Variants in TNRC6A observed in about 807,000 individuals in gnomAD.
TNRC6A encodes the protein trinucleotide repeat containing adaptor 6A.
Under a neutral mutation model 221.2 loss-of-function variants are expected in TNRC6A, and 44 were observed. That is an observed-to-expected ratio of 0.20 (90% CI 0.16 to 0.26). The LOEUF (loss-of-function observed/expected upper bound fraction) is 0.26, where lower values mean the gene tolerates loss of function less well. TNRC6A is among the 10% of genes least tolerant of loss of function. TNRC6A has a pLI of 1.00. For synonymous variants in TNRC6A, 847 were observed against 838.5 expected (o/e 1.01, Z -0.18); for missense variants, 2,199 against 2,404.4 (o/e 0.91, Z 1.79).
chr16:24,705,113 T>C (rs997640794), intron 2 of TNRC6A, among the ~76,000 whole-genome samples: 1 of 152,172 alleles, frequency 6.6e-6, no homozygotes, highest in Non-Finnish European at 1.5e-5. Flanking sequence ...CAAAACACCT[T>C]ATTTATATTT....
At chr16:24,740,466 C>CT in intron 2 of TNRC6A, among the ~76,000 whole-genome samples, 1 of 152,066 alleles carries the variant, frequency 6.6e-6, no homozygotes, top group East Asian at 1.9e-4. Flanking sequence ...TTATTTAGGT[C>CT]TTTAATTGTT....
chr16:24,697,292 T>A (rs1450326910), intron 2 of TNRC6A, among the ~76,000 whole-genome samples: 1 of 152,204 alleles, frequency 6.6e-6, no homozygotes, highest in African/African-American at 2.4e-5. Context: ...TATCTTTCTG[T>A]CTAATCCTCT....
intron 2 of TNRC6A, among the ~76,000 whole-genome samples, chr16:24,704,835 C>A (rs1254072242): frequency 6.6e-6 from 1 of 151,668 alleles, no homozygotes; most frequent in Non-Finnish European, 1.5e-5. Context: ...TTATTTAAAA[C>A]AGTAATAACA....
intron 20 of TNRC6A, among the ~76,000 whole-genome samples, chr16:24,818,108 G>T (rs1287954503): frequency 1.3e-5 from 2 of 152,202 alleles, no homozygotes; most frequent in African/African-American, 4.8e-5. Context: ...TTTGAAAATG[G>T]AAAGCTACAC....
chr16:24,654,010 T>A (rs987087240), intron 2 of TNRC6A, among the ~76,000 whole-genome samples: 1 of 152,102 alleles, frequency 6.6e-6, no homozygotes, highest in Non-Finnish European at 1.5e-5. Context: ...GATCAAGTGA[T>A]CCTTTCACCT....
At chr16:24,647,159 G>A (rs536041036) in intron 2 of TNRC6A, among the ~76,000 whole-genome samples, 5 of 152,166 alleles carry the variant, frequency 3.3e-5, no homozygotes, top group South Asian at 2.1e-4. Context: ...CTCACACTCC[G>A]GTGCTCAAGC....
chr16:24,771,268 A>G (rs757099430), intron 4 of TNRC6A, among the ~76,000 whole-genome samples: 1 of 152,214 alleles, frequency 6.6e-6, no homozygotes, highest in Non-Finnish European at 1.5e-5. Context: ...TGGAGTTCTC[A>G]GTGTTTCAGA....
At chr16:24,748,040 A>G (rs2057051285) in intron 2 of TNRC6A, among the ~76,000 whole-genome samples, 1 of 152,180 alleles carries the variant, frequency 6.6e-6, no homozygotes. Flanking sequence ...TTTTGACACA[A>G]GAAGGGTAAA....
At chr16:24,765,209 G>A (rs1175476290) in intron 4 of TNRC6A, among the ~76,000 whole-genome samples, 1 of 152,170 alleles carries the variant, frequency 6.6e-6, no homozygotes, top group Non-Finnish European at 1.5e-5. Flanking sequence ...CAGGAACTTT[G>A]ATGGCTTCAT....
rs1207562313 is a variant in TNRC6A, at chr16:24,631,320, A to G, written n.277-9564A>G. Among the ~76,000 whole-genome samples, 5 of 152,114 alleles carry G rather than the reference A, an allele frequency of 3.3e-5. No homozygotes were observed. The East Asian group carries it at 9.6e-4, about 29-fold the overall frequency. On this transcript the variant is annotated intron_variant and non_coding_transcript_variant, in intron 1 of 2. Coordinates refer to the TNRC6A transcript ENST00000566108. The stretch of plus-strand genomic sequence containing the variant: ...CTTCAGTTTGCCTATCCAGTGGCCA[A>G]GTCTCAGATGTCATCTTTCTCAACC...
chr16:24,714,885 T>G (rs1459729797), intron 2 of TNRC6A, among the ~76,000 whole-genome samples: 1 of 151,518 alleles, frequency 6.6e-6, no homozygotes, highest in Non-Finnish European at 1.5e-5. Flanking sequence ...TTTTGTTTTT[T>G]TTTTTTTCTG....
At chr16:24,786,296 T>G (rs969928532) in intron 5 of TNRC6A, among the ~76,000 whole-genome samples, 12 of 89,440 alleles carry the variant, frequency 1.3e-4, no homozygotes, top group Non-Finnish European at 1.5e-4. Context: ...CTTTTTTGTT[T>G]TTTTTTGTTG....
chr16:24,706,701 A>G (rs925889524), intron 2 of TNRC6A, among the ~76,000 whole-genome samples: 1 of 151,636 alleles, frequency 6.6e-6, no homozygotes, highest in African/African-American at 2.4e-5. Flanking sequence ...CAAAAAAAAA[A>G]AAAAAAAAAA....
chr16:24,771,573 T>G (rs2057600921), intron 4 of TNRC6A, among the ~76,000 whole-genome samples: 1 of 99,268 alleles, frequency 1.0e-5, no homozygotes, highest in Non-Finnish European at 2.1e-5. Context: ...TATGTTATGT[T>G]ATGTTATGTT....
intron 13 of TNRC6A, 76 bp from the exon 14 acceptor site, chr16:24,804,938 A>G: frequency 6.2e-7 from 1 of 1,613,766 alleles, no homozygotes; most frequent in South Asian, 1.1e-5. Context: ...CTGTGTTTAA[A>G]TCATAGTACA....
At chr16:24,622,793 C>T (rs1900744487) in intron 1 of TNRC6A, among the ~76,000 whole-genome samples, 1 of 152,084 alleles carries the variant, frequency 6.6e-6, no homozygotes, top group African/African-American at 2.4e-5. Context: ...AATAACAGTT[C>T]TATTATATGG....
At chr16:24,721,134 A>G (rs576446503) in intron 2 of TNRC6A, among the ~76,000 whole-genome samples, 1 of 152,336 alleles carries the variant, frequency 6.6e-6, no homozygotes, top group Admixed American at 6.5e-5. Flanking sequence ...GAGAGGCAGC[A>G]ACTAGAACTC....
At chr16:24,786,211 A>G (rs750737862) in intron 5 of TNRC6A, among the ~76,000 whole-genome samples, 1 of 152,252 alleles carries the variant, frequency 6.6e-6, no homozygotes, top group Non-Finnish European at 1.5e-5. Flanking sequence ...GATAATCATT[A>G]GCATGCATTT....
rs79885929 is a variant in TNRC6A, at chr16:24,769,606, C to G, written c.164-7327C>G. 4.4e-3 allele frequency among the ~76,000 whole-genome samples: 663 copies of G among 152,172 alleles called. 7 individuals carry two copies. The highest frequency in any genetic ancestry group is 0.015 in the African/African-American group (633 of 41,500). On this transcript the variant is annotated intron_variant, in intron 4 of 24. Coordinates refer to ENST00000395799, the MANE Select transcript of TNRC6A (RefSeq NM_014494.4). The stretch of plus-strand genomic sequence containing the variant: ...GTCTCAGGGCTAATTAGAGAACCTT[C>G]TCACATTAATGATCTCAGTGGCTGG...
Sources: gnomAD v4.1 joint callset for allele counts (sites outside exome capture counted in the v4.1 genomes callset) on GRCh38, gnomAD v4.1.1 for gene constraint, MANE v1.5 for transcripts, NCBI Gene and HGNC (gene_info 2026-07-23, HGNC 2026-07-21) for gene names.